Variants in CMC2 observed in about 807,000 individuals in gnomAD.
CMC2 encodes COX assembly mitochondrial protein 2 homolog.
In CMC2, 5 loss-of-function variants were observed where a neutral mutation model predicts 7.5. The observed-to-expected ratio is 0.66, with a 90% confidence interval of 0.35 to 1.40. CMC2 has a LOEUF of 1.40. Ranked by LOEUF, CMC2 falls within the 40% of genes most tolerant of loss-of-function variation. The pLI, the probability that CMC2 is intolerant of heterozygous loss-of-function variation, is 0.04. For missense variants in CMC2, 115 were observed against 92.3 expected, an observed-to-expected ratio of 1.25 and a Z score of -1.01; for synonymous variants, 37 against 31.4, an observed-to-expected ratio of 1.18 and a Z score of -0.60.
rs977992032 is a variant in CMC2 at position 80,967,081 on chromosome 16, T to G, written c.*9012A>C. On this transcript the variant is annotated 3_prime_UTR_variant, in exon 4 of 4. Transcript: ENST00000219400. ...ATTCATTCAGTGAAAAAGCATTTAT[T>G]GAATACCAATTATGTGTTAACCACT... 3.3e-5 allele frequency: 5 copies of G among 152,220 alleles called. 1 individual carries two copies. The highest frequency in any genetic ancestry group is 2.6e-4 in the Admixed American group (4 of 15,286). 9.4% of individuals were successfully genotyped at this position (152,220 alleles called of 1,614,324 possible).
chr16:80,981,405 G>C (rs143915994), intron 3 of CMC2, among the ~76,000 whole-genome samples: 125 of 152,246 alleles, frequency 8.2e-4, no homozygotes, highest in African/African-American at 2.6e-3. Flanking sequence ...AAATGTTAAA[G>C]CTGAAAACAG....
At chr16:81,004,198 G>T (rs1001606935) in intron 1 of CMC2, among the ~76,000 whole-genome samples, 2 of 150,896 alleles carry the variant, frequency 1.3e-5, no homozygotes, top group African/African-American at 2.4e-5. Flanking sequence ...ACTCTAGCCT[G>T]GTCGAAAGAG....
chr16:80,979,023 G>C (rs1394659482), intron 3 of CMC2, among the ~76,000 whole-genome samples: 3 of 152,060 alleles, frequency 2.0e-5, no homozygotes, highest in African/African-American at 7.2e-5. Context: ...GGAGCTTGCA[G>C]TGGGCTGAGA....
rs1912158946 is a variant in CMC2 at position 80,974,765 on chromosome 16, T to C, written c.*1328A>G. 6.6e-6 allele frequency: 1 copy of C among 152,264 alleles called. No individual in the cohort carries two copies. The highest frequency in any genetic ancestry group is 2.4e-5 in the African/African-American group (1 of 41,476). The allele number at this position is 152,264 out of a possible 1,614,324, so 9.4% of individuals were successfully genotyped here. A position where few individuals can be genotyped will look rare whatever the true frequency, so the allele number is the denominator to read the frequency against. ...GCAAAATGTCTCATTTCTGTATTTC[T>C]ACTGCCTGACACTAGGGGGACTGAA... On this transcript the variant is annotated 3_prime_UTR_variant, in exon 4 of 4. Transcript: ENST00000219400.
chr16:80,993,238 A>C (rs1968147657), intron 2 of CMC2, among the ~76,000 whole-genome samples: 1 of 152,218 alleles, frequency 6.6e-6, no homozygotes, highest in Non-Finnish European at 1.5e-5. Flanking sequence ...GGGACAACAG[A>C]CTACAGGACT....
intron 1 of CMC2, among the ~76,000 whole-genome samples, chr16:81,005,078 G>C (rs571320575): frequency 1.3e-5 from 2 of 152,358 alleles, no homozygotes; most frequent in South Asian, 4.1e-4. Context: ...CTGTTGTGCA[G>C]AGTCTGAAGA....
rs12932459 is a variant in CMC2 at position 80,969,123 on chromosome 16, T to C, written c.*6970A>G. 0.17 allele frequency: 26,129 copies of C among 152,172 alleles called. 2,535 individuals carry two copies. Among genetic ancestry groups the C allele is most frequent in the African/African-American group, 0.28 (11,479 of 41,488 alleles). 9.4% of individuals were successfully genotyped at this position (152,172 alleles called of 1,614,324 possible). ...CTGGTGGGAAATTCTGGAAAGATAG[T>C]TGTGACTGTGGAAGCAACTATCTTT... On this transcript the variant is annotated 3_prime_UTR_variant, in exon 4 of 4. Coordinates refer to ENST00000219400, the MANE Select transcript of CMC2 (RefSeq NM_020188.5).
intron 1 of CMC2, among the ~76,000 whole-genome samples, chr16:80,999,109 G>C (rs1048735967): frequency 4.6e-5 from 7 of 152,104 alleles, no homozygotes; most frequent in Non-Finnish European, 1.0e-4. Context: ...TCAGTCAAGA[G>C]AAATAAAAGG....
chr16:80,976,762 A>G (rs144344689), intron 3 of CMC2, among the ~76,000 whole-genome samples: 74 of 152,312 alleles, frequency 4.9e-4, no homozygotes, highest in Non-Finnish European at 1.3e-4. Context: ...CTTGTCAACT[A>G]CCACCTTTTA....
chr16:80,997,088 G>A (rs1319009874), intron 2 of CMC2: 1 of 565,886 alleles, frequency 1.8e-6, no homozygotes, highest in Non-Finnish European at 3.2e-6. Context: ...TACCAGTTCA[G>A]ACGTTCCCTA....
At chr16:80,996,963 T>G (rs1341651738) in intron 2 of CMC2, 3 of 444,280 alleles carry the variant, frequency 6.8e-6, no homozygotes, top group Non-Finnish European at 1.3e-5. Flanking sequence ...GCAGATACTT[T>G]TAGAATAATT....
chr16:80,978,999 T>C (rs896949304), intron 3 of CMC2, among the ~76,000 whole-genome samples: 3 of 151,856 alleles, frequency 2.0e-5, no homozygotes, highest in Admixed American at 6.6e-5. Flanking sequence ...GAGAATGGCG[T>C]GAACCCGGGA....
intron 3 of CMC2, among the ~76,000 whole-genome samples, chr16:80,979,283 T>C (rs1394749084): frequency 6.6e-6 from 1 of 151,900 alleles, no homozygotes; most frequent in Admixed American, 6.6e-5. Flanking sequence ...GAGAATAAAG[T>C]AACATAACTA....
In CMC2 at chr16:81,006,790, A is replaced by G. The variant is rs958641013; in HGVS notation, c.-92T>C. ...CGGCAGTAGCCGGCGGAGACGCCCG[A>G]CCCGAAGGCCGGCTGCTAGGGAGCA... On this transcript the variant is annotated 5_prime_UTR_variant, in exon 1 of 4. Transcript: ENST00000219400. 8.1e-6 allele frequency: 8 copies of G among 985,382 alleles called. No homozygotes were observed. Among genetic ancestry groups the G allele is most frequent in the African/African-American group, 1.7e-5 (1 of 57,174 alleles). 61.0% of individuals were successfully genotyped at this position (985,382 alleles called of 1,614,324 possible).
At chr16:80,995,059 T>A (rs962848343) in intron 2 of CMC2, among the ~76,000 whole-genome samples, 2 of 151,994 alleles carry the variant, frequency 1.3e-5, no homozygotes. Context: ...GGCAGGAGAA[T>A]TGCTTGAACC....
chr16:80,995,860 T>A (rs1325654708), intron 2 of CMC2, among the ~76,000 whole-genome samples: 1 of 152,196 alleles, frequency 6.6e-6, no homozygotes, highest in Non-Finnish European at 1.5e-5. Flanking sequence ...GGTATCTATA[T>A]ATGACAAAAC....
rs1911944532 is a variant in CMC2, at chr16:80,971,745, A to T, written c.*4348T>A. On this transcript the variant is annotated 3_prime_UTR_variant, in exon 4 of 4. Transcript: ENST00000219400. Reference sequence around the variant, plus strand: ...CCACTTTTGTATTATTATTTTTTTAAACCTGTATTTTTTAAAAGTATGACT... The same window carrying T: ...CCACTTTTGTATTATTATTTTTTTATACCTGTATTTTTTAAAAGTATGACT... The T allele has an allele frequency of 6.6e-6, 1 of 151,874 alleles. No homozygotes were observed. Among genetic ancestry groups the T allele is most frequent in the Admixed American group, 6.6e-5 (1 of 15,226 alleles). 9.4% of individuals were successfully genotyped at this position (151,874 alleles called of 1,614,324 possible).
At chr16:80,998,481 A>T (rs1267569124) in intron 1 of CMC2, 15 of 152,194 alleles carry the variant, frequency 9.9e-5, no homozygotes, top group Non-Finnish European at 1.5e-4. Context: ...TTCCTCAAAA[A>T]ATTAAAAATG....
chr16:80,996,996 C>T (rs774957909), intron 2 of CMC2: 15 of 471,176 alleles, frequency 3.2e-5, no homozygotes, highest in East Asian at 6.0e-5. Flanking sequence ...GAAGTGTCAG[C>T]GCTGAATATA....
Sources: allele counts gnomAD v4.1 joint callset (sites outside exome capture counted in the v4.1 genomes callset), GRCh38; gene constraint gnomAD v4.1.1; transcripts MANE v1.5; gene names NCBI Gene and HGNC (gene_info 2026-07-23, HGNC 2026-07-21).